The following GSE1 variants were observed in gnomAD, a reference collection of about 807,000 sequenced individuals.
The protein encoded by GSE1 is genetic suppressor element 1.
Under a neutral mutation model 112.6 loss-of-function variants are expected in GSE1, and 32 were observed. The ratio of observed to expected loss-of-function variants is 0.28; its 90% CI spans 0.21 to 0.38. GSE1 has a LOEUF of 0.38. GSE1 is among the 10% of genes least tolerant of loss of function. The pLI is 1.00. For synonymous variants in GSE1, 1,115 were observed against 735.6 expected (o/e 1.52, Z -8.35); for missense variants, 2,348 against 1,699.2 (o/e 1.38, Z -6.71).
At chr16:85,539,741 A>G (rs1245741526) in intron 2 of GSE1, among the ~76,000 whole-genome samples, 1 of 152,116 alleles carries the variant, frequency 6.6e-6, no homozygotes, top group Non-Finnish European at 1.5e-5. Context: ...CTGCTCACTG[A>G]CTAGAGTGAT....
intron 2 of GSE1, among the ~76,000 whole-genome samples, chr16:85,480,926 C>G (rs2050659181): frequency 6.6e-6 from 1 of 152,200 alleles, no homozygotes; most frequent in African/African-American, 2.4e-5. Flanking sequence ...CGGCGGTGCC[C>G]CCAGGGAGCA....
intron 1 of GSE1, among the ~76,000 whole-genome samples, chr16:85,179,778 G>A (rs1282626264): frequency 6.6e-6 from 1 of 152,164 alleles, no homozygotes; most frequent in Non-Finnish European, 1.5e-5. Flanking sequence ...AATTGAGAAG[G>A]GGTTTGCATT....
At chr16:85,595,974 A>C (rs374240801) in intron 1 of GSE1, among the ~76,000 whole-genome samples, 48 of 102,028 alleles carry the variant, frequency 4.7e-4, no homozygotes, top group East Asian at 2.2e-3. Context: ...CCATTCCTCT[A>C]TCCACCCACT....
intron 1 of GSE1, among the ~76,000 whole-genome samples, chr16:85,280,609 C>T (rs879398701): frequency 3.3e-5 from 5 of 152,082 alleles, no homozygotes; most frequent in Admixed American, 6.6e-5. Context: ...TTGGCCAGGC[C>T]GCTCTCGAAC....
chr16:85,611,792 C>G (rs1471307574), upstream of GSE1, among the ~76,000 whole-genome samples: 1 of 150,588 alleles, frequency 6.6e-6, no homozygotes, highest in Non-Finnish European at 1.5e-5. Context: ...CCAGCGTCAT[C>G]GGGAACAGAT....
intron 1 of GSE1, among the ~76,000 whole-genome samples, chr16:85,212,698 G>GA (rs1309460128): frequency 6.6e-6 from 1 of 152,200 alleles, no homozygotes; most frequent in Non-Finnish European, 1.5e-5. Context: ...GGCTGCCCAA[G>GA]AAAACTAATA....
intron 1 of GSE1, among the ~76,000 whole-genome samples, chr16:85,312,744 G>T (rs937804983): frequency 1.3e-4 from 20 of 151,990 alleles, no homozygotes; most frequent in Non-Finnish European, 2.4e-4. Context: ...AGGCGGACGA[G>T]GAGGAGAAGG....
chr16:85,244,082 C>G (rs796885422), intron 1 of GSE1, among the ~76,000 whole-genome samples: 1 of 152,126 alleles, frequency 6.6e-6, no homozygotes. Context: ...GCGGAGATTG[C>G]ACCATTGCAC....
At chr16:85,357,064 C>T (rs900099039) in intron 1 of GSE1, among the ~76,000 whole-genome samples, 2 of 152,232 alleles carry the variant, frequency 1.3e-5, no homozygotes, top group South Asian at 2.1e-4. Context: ...CTTGTCCCCA[C>T]CACCGCCAGG....
intron 1 of GSE1, among the ~76,000 whole-genome samples, chr16:85,253,058 G>GCCCCCCCCCCCCCCCC (rs748803903): frequency 5.9e-4 from 28 of 47,166 alleles, no homozygotes; most frequent in Admixed American, 1.4e-3. Context: ...AGGCGCCCCC[G>GCCCCCCCCCCCCCCCC]CCCCCCCCCC....
intron 2 of GSE1, among the ~76,000 whole-genome samples, chr16:85,359,747 AC>A (rs1309705538): frequency 1.3e-5 from 2 of 152,004 alleles, no homozygotes; most frequent in Non-Finnish European, 2.9e-5. Flanking sequence ...TGGGGCACGA[AC>A]CCCGACGTCT....
intron 2 of GSE1, among the ~76,000 whole-genome samples, chr16:85,389,510 A>G (rs1386691445): frequency 6.7e-6 from 1 of 149,970 alleles, no homozygotes. Flanking sequence ...CCAGGGGCTG[A>G]GGGTGGGGGT....
At chr16:85,560,609 A>C (rs781543432) in intron 1 of GSE1, among the ~76,000 whole-genome samples, 3 of 152,074 alleles carry the variant, frequency 2.0e-5, no homozygotes, top group Non-Finnish European at 4.4e-5. Context: ...GGGGCTGGTG[A>C]GTGGGAGGGC....
In GSE1 at chr16:85,661,228, C is replaced by T. The variant is rs1182698085; in HGVS notation, c.1723C>T (p.Pro575Ser). 3.7e-6 allele frequency: 6 copies of T among 1,612,360 alleles called. No homozygotes were observed. Among genetic ancestry groups the T allele is most frequent in the Non-Finnish European group, 5.1e-6 (6 of 1,179,490 alleles). ...GCCACCACCTCTGATTTCGCCCAAG[C>T]CCCAGCTCCATGCTGCACCCACGGC... ...GGPPPLISPK[P>S]QLHAAPTALW... The change falls in exon 9 of 16, where the codon CCC becomes TCC. Residue 575 changes from proline (P) to serine (S), a missense_variant. Pro to Ser is a moderately conservative substitution (Grantham distance 74). Coordinates refer to ENST00000253458, the MANE Select transcript of GSE1 (RefSeq NM_014615.5).
chr16:85,476,306 G>A (rs548047448), intron 2 of GSE1, among the ~76,000 whole-genome samples: 17 of 152,316 alleles, frequency 1.1e-4, no homozygotes, highest in Admixed American at 8.5e-4. Context: ...GTGGAATCGG[G>A]TGGGAGTTCC....
intron 2 of GSE1, among the ~76,000 whole-genome samples, chr16:85,539,208 T>C (rs1186179468): frequency 6.6e-6 from 1 of 152,222 alleles, no homozygotes; most frequent in Non-Finnish European, 1.5e-5. Context: ...GAACAACAAA[T>C]GCAAAAAGCC....
At chr16:85,318,117 G>C (rs1301104912) in intron 1 of GSE1, among the ~76,000 whole-genome samples, 4 of 152,222 alleles carry the variant, frequency 2.6e-5, no homozygotes, top group Non-Finnish European at 5.9e-5. Context: ...TGGGCAGGAG[G>C]CTTCAGATCT....
chr16:85,539,698 G>A (rs1427842195), intron 2 of GSE1, among the ~76,000 whole-genome samples: 1 of 152,202 alleles, frequency 6.6e-6, no homozygotes, highest in East Asian at 1.9e-4. Flanking sequence ...ACGTTGAAGG[G>A]AAATTTGGGG....
chr16:85,334,638 T>C (rs1257168285), intron 1 of GSE1, among the ~76,000 whole-genome samples: 2 of 152,198 alleles, frequency 1.3e-5, no homozygotes, highest in African/African-American at 4.8e-5. Flanking sequence ...GAGCCCCTTA[T>C]TGGGGCTATG....
Sources: allele counts gnomAD v4.1 joint callset (sites outside exome capture counted in the v4.1 genomes callset), GRCh38; gene constraint gnomAD v4.1.1; transcripts MANE v1.5; gene names NCBI Gene and HGNC (gene_info 2026-07-23, HGNC 2026-07-21).